The following ABCA13 variants were observed in gnomAD, a reference collection of about 807,000 sequenced individuals.
The protein encoded by ABCA13 is ATP-binding cassette sub-family A member 13.
Under a neutral mutation model 478.7 loss-of-function variants are expected in ABCA13, and 476 were observed. The ratio of observed to expected loss-of-function variants is 0.99; its 90% CI spans 0.92 to 1.07. The LOEUF (loss-of-function observed/expected upper bound fraction) is 1.07, where lower values mean the gene tolerates loss of function less well. Ranked by LOEUF, ABCA13 falls within the 50% of genes least tolerant of loss-of-function variation. The probability of loss-of-function intolerance (pLI) is 0.00; values close to 1 mark genes in which losing one functional copy is unlikely to be tolerated. For synonymous variants in ABCA13, 2,252 were observed against 2,158.9 expected (o/e 1.04, Z -1.20); for missense variants, 6,060 against 5,910.6 (o/e 1.03, Z -0.83).
chr7:48,291,147 A>G (rs1404492167), intron 20 of ABCA13, among the ~76,000 whole-genome samples: 1 of 152,170 alleles, frequency 6.6e-6, no homozygotes, highest in East Asian at 1.9e-4. Flanking sequence ...ACATTCAGAC[A>G]TCAGACAATA....
chr7:48,273,852 G>A lies in ABCA13; in HGVS notation c.4186G>A (p.Val1396Ile), dbSNP rs1413190415. 3.1e-6 allele frequency: 5 copies of A among 1,612,346 alleles called. No homozygotes were observed. Among genetic ancestry groups the A allele is most frequent in the Middle Eastern group, 1.7e-4 (1 of 6,056 alleles). The change falls in exon 17 of 62, where the codon GTA (valine) becomes ATA (isoleucine). Residue 1396 changes from valine to isoleucine, a missense_variant. By Grantham distance (29) the Val-to-Ile change is conservative (BLOSUM62 3). Transcript: ENST00000435803. ...AATTAGCAGTCTGAAAGGATGCATT[G>A]TATGGTTAGATGTCATAAACCATTT... is the stretch of plus-strand genomic sequence containing the variant. Reference protein sequence around the residue: ...NTISSLKGCIVWLDVINHLYL... With the variant: ...NTISSLKGCIIWLDVINHLYL...
chr7:48,433,692 T>TC (rs1203124824), intron 42 of ABCA13, among the ~76,000 whole-genome samples: 1 of 151,830 alleles, frequency 6.6e-6, no homozygotes, highest in African/African-American at 2.4e-5. Context: ...CATTTCTCCC[T>TC]CCCCCAGCTC....
intron 59 of ABCA13, among the ~76,000 whole-genome samples, chr7:48,634,511 A>G (rs941879672): frequency 2.0e-5 from 3 of 152,104 alleles, no homozygotes; most frequent in Non-Finnish European, 4.4e-5. Flanking sequence ...TTGGTCAATT[A>G]TGCTAAATAT....
At chr7:48,324,209 C>T (rs141065287) in intron 27 of ABCA13, among the ~76,000 whole-genome samples, 21 of 152,286 alleles carry the variant, frequency 1.4e-4, no homozygotes, top group Middle Eastern at 3.4e-3. Flanking sequence ...AAGGTAATGG[C>T]AGGACTGGTT....
At chr7:48,364,985 T>C (rs1325906356) in intron 31 of ABCA13, among the ~76,000 whole-genome samples, 1 of 152,182 alleles carries the variant, frequency 6.6e-6, no homozygotes, top group East Asian at 1.9e-4. Context: ...GGAAACTCCA[T>C]ACTGTTCTCC....
At chr7:48,596,094 A>C (rs1004792105) in intron 58 of ABCA13, among the ~76,000 whole-genome samples, 1 of 152,266 alleles carries the variant, frequency 6.6e-6, no homozygotes, top group Non-Finnish European at 1.5e-5. Flanking sequence ...CTCAGCATGC[A>C]TAATCCTATT....
intron 5 of ABCA13, among the ~76,000 whole-genome samples, chr7:48,225,131 G>GCCTGCCTGCCTT (rs1787990582): frequency 9.4e-6 from 1 of 106,666 alleles, no homozygotes; most frequent in Admixed American, 9.8e-5. Context: ...CTGCCTGCCT[G>GCCTGCCTGCCTT]CCTGCCTTCC....
intron 3 of ABCA13, among the ~76,000 whole-genome samples, chr7:48,209,826 T>A (rs954830502): frequency 3.9e-5 from 6 of 152,188 alleles, no homozygotes; most frequent in African/African-American, 1.4e-4. Context: ...TGGCATCAGT[T>A]GTAATTTCTC....
intron 54 of ABCA13, among the ~76,000 whole-genome samples, chr7:48,526,033 T>C (rs903806110): frequency 2.6e-5 from 4 of 152,106 alleles, no homozygotes; most frequent in South Asian, 2.1e-4. Context: ...GGCAGGACCC[T>C]CTCTGGAATG....
At chr7:48,247,607 T>C (rs1355778332) in intron 13 of ABCA13, among the ~76,000 whole-genome samples, 1 of 152,104 alleles carries the variant, frequency 6.6e-6, no homozygotes, top group African/African-American at 2.4e-5. Flanking sequence ...GCATCATTCA[T>C]GTAGTTGCAG....
At chr7:48,562,097 A>G (rs1389706837) in intron 55 of ABCA13, among the ~76,000 whole-genome samples, 2 of 133,336 alleles carry the variant, frequency 1.5e-5, no homozygotes, top group Non-Finnish European at 3.1e-5. Flanking sequence ...GGACATATGC[A>G]TATGTATGGG....
intron 23 of ABCA13, among the ~76,000 whole-genome samples, chr7:48,303,896 G>A (rs761071153): frequency 2.0e-5 from 3 of 152,114 alleles, no homozygotes; most frequent in Non-Finnish European, 4.4e-5. Context: ...GCATAGGAAG[G>A]TATAACCTAA....
At chr7:48,209,262 G>A (rs887239111) in intron 3 of ABCA13, among the ~76,000 whole-genome samples, 2 of 151,904 alleles carry the variant, frequency 1.3e-5, no homozygotes, top group African/African-American at 4.8e-5. Flanking sequence ...AGTTTTGTTG[G>A]TATTTTGTTG....
intron 15 of ABCA13, among the ~76,000 whole-genome samples, chr7:48,258,353 T>G (rs767345415): frequency 6.6e-6 from 1 of 152,218 alleles, no homozygotes; most frequent in Non-Finnish European, 1.5e-5. Context: ...TCTTTCAGTT[T>G]ATGTAGTTTG....
chr7:48,547,289 A>C (rs1784904856), intron 55 of ABCA13, among the ~76,000 whole-genome samples: 1 of 151,902 alleles, frequency 6.6e-6, no homozygotes, highest in South Asian at 2.1e-4. Context: ...CTATGCCAGC[A>C]TGTACTGAGT....
intron 42 of ABCA13, among the ~76,000 whole-genome samples, 194 bp downstream of exon 42, chr7:48,428,065 A>G (rs1317059581): frequency 6.6e-6 from 1 of 152,192 alleles, no homozygotes; most frequent in South Asian, 2.1e-4. Context: ...TGAAAAAAAA[A>G]AACTGTGTGT....
At position 48,455,133 on chromosome 7, in the gene ABCA13, G is replaced by A. The variant is rs1825512608; in HGVS notation, c.12662G>A (p.Arg4221His). Reference protein sequence around the residue: ...ILARRLRRTLRAGKSTLADLL... With the variant: ...ILARRLRRTLHAGKSTLADLL... Reference sequence around the variant, plus strand: ...GCCCGGAGGCTCCGCCGCACGCTGCGCGCCGGGAAGAGCACCCTCGCCGAC... The same window carrying A: ...GCCCGGAGGCTCCGCCGCACGCTGCACGCCGGGAAGAGCACCCTCGCCGAC... Residue 4221 changes from arginine to histidine, a missense_variant, in exon 43 of 62, where the codon CGC becomes CAC. Transcript: ENST00000435803. The A allele has an allele frequency of 6.4e-7, 1 of 1,568,814 alleles. No homozygotes were observed. The highest frequency in any genetic ancestry group is 8.6e-7 in the Non-Finnish European group (1 of 1,157,440).
chr7:48,432,993 T>G (rs941471742), intron 42 of ABCA13, among the ~76,000 whole-genome samples: 2 of 152,062 alleles, frequency 1.3e-5, no homozygotes, highest in African/African-American at 4.8e-5. Flanking sequence ...ATGTGAGGTA[T>G]TGCATATGTT....
chr7:48,186,582 TA>T (rs1796379582), intron 1 of ABCA13, among the ~76,000 whole-genome samples: 1 of 152,132 alleles, frequency 6.6e-6, no homozygotes, highest in East Asian at 1.9e-4. Flanking sequence ...TCATATTTTC[TA>T]AAAAAAATTT....
Sources: gnomAD v4.1 joint callset for allele counts (sites outside exome capture counted in the v4.1 genomes callset) on GRCh38, gnomAD v4.1.1 for gene constraint, MANE v1.5 for transcripts, NCBI Gene and HGNC (gene_info 2026-07-23, HGNC 2026-07-21) for gene names.